The following UBTD2 variants were observed in gnomAD, a reference collection of about 807,000 sequenced individuals.
The protein encoded by UBTD2 is ubiquitin domain-containing protein 2.
A neutral mutation model predicts 19.8 loss-of-function variants in UBTD2; 9 were observed. That is an observed-to-expected ratio of 0.46 (90% CI 0.27 to 0.79). The LOEUF is 0.79. UBTD2 is among the 30% of genes least tolerant of loss of function. UBTD2 has a pLI of 0.14. For synonymous variants in UBTD2, 98 were observed against 103.9 expected (o/e 0.94, Z 0.35); for missense variants, 250 against 300.4 (o/e 0.83, Z 1.24).
intron 2 of UBTD2, among the ~76,000 whole-genome samples, chr5:172,216,443 TA>T (rs1189927208): frequency 2.3e-4 from 33 of 141,068 alleles, no homozygotes; most frequent in South Asian, 4.5e-4. Context: ...AATCAAAGAT[TA>T]AAAAAAAAAA....
At chr5:172,259,065 T>C (rs1039398820) in intron 1 of UBTD2, among the ~76,000 whole-genome samples, 7 of 152,196 alleles carry the variant, frequency 4.6e-5, no homozygotes, top group Admixed American at 2.0e-4. Context: ...CCATTCAGTA[T>C]GATGTTGCTG....
At chr5:172,244,209 A>G (rs1027717189) in intron 1 of UBTD2, among the ~76,000 whole-genome samples, 10 of 151,940 alleles carry the variant, frequency 6.6e-5, no homozygotes, top group African/African-American at 1.7e-4. Flanking sequence ...ACAAAAACCT[A>G]TTAAGTCAGC....
intron 1 of UBTD2, among the ~76,000 whole-genome samples, chr5:172,236,898 C>G (rs1453552767): frequency 6.6e-6 from 1 of 152,086 alleles, no homozygotes; most frequent in Non-Finnish European, 1.5e-5. Flanking sequence ...AGGAAGCCAA[C>G]AGAAAAACAA....
intron 1 of UBTD2, among the ~76,000 whole-genome samples, chr5:172,261,774 G>A (rs527272067): frequency 3.3e-5 from 5 of 152,148 alleles, no homozygotes; most frequent in Non-Finnish European, 4.4e-5. Context: ...ACAGGCATGC[G>A]CCTCCACATC....
chr5:172,210,206 A>C lies in UBTD2; in HGVS notation c.*1624T>G, dbSNP rs1474631150. The C allele has an allele frequency of 6.6e-6, 1 of 152,362 alleles. No individual in the cohort carries two copies. Among genetic ancestry groups the C allele is most frequent in the Non-Finnish European group, 1.5e-5 (1 of 68,034 alleles). 9.4% of individuals were successfully genotyped at this position (152,362 alleles called of 1,614,324 possible). On this transcript the variant is annotated 3_prime_UTR_variant, in exon 3 of 3. Transcript: ENST00000393792. The stretch of plus-strand genomic sequence containing the variant: ...TAAGGAAGTAGTTAAAGCTCTCAGA[A>C]ACATGATGTTACAATTACAGATATA...
intron 2 of UBTD2, among the ~76,000 whole-genome samples, chr5:172,213,059 C>T (rs752701102): frequency 1.3e-5 from 2 of 151,954 alleles, no homozygotes; most frequent in African/African-American, 2.4e-5. Context: ...GATGTGATCT[C>T]GGTTTACTGC....
At chr5:172,215,203 T>C (rs1581207143) in intron 2 of UBTD2, among the ~76,000 whole-genome samples, 1 of 152,242 alleles carries the variant, frequency 6.6e-6, no homozygotes, top group African/African-American at 2.4e-5. Context: ...TTTTACCTTC[T>C]GGACCTCTAC....
At chr5:172,270,576 A>C (rs1334975068) in intron 1 of UBTD2, among the ~76,000 whole-genome samples, 1 of 151,842 alleles carries the variant, frequency 6.6e-6, no homozygotes, top group African/African-American at 2.4e-5. Flanking sequence ...GGATGGTCTC[A>C]ATCTCCTGAC....
At chr5:172,262,890 G>C (rs1051663719) in intron 1 of UBTD2, among the ~76,000 whole-genome samples, 7 of 152,258 alleles carry the variant, frequency 4.6e-5, no homozygotes, top group Non-Finnish European at 1.0e-4. Flanking sequence ...CAACTGAAAA[G>C]CTATTAGTAA....
chr5:172,283,479 G>C lies in UBTD2; in HGVS notation c.70+117C>G. On this transcript the variant is annotated intron_variant, in intron 1 of 2. Coordinates refer to ENST00000393792, the MANE Select transcript of UBTD2 (RefSeq NM_152277.3). This position sits in a 1 kb window ranked among gnomAD's most constrained non-coding sequence, Gnocchi z 4.3. ...GAAGCGGAGCGCGGGGAATGACGTGGAAGAGGGGATGACAAAGGGGCGCGG... is the reference window on the plus strand; with the variant it reads ...GAAGCGGAGCGCGGGGAATGACGTGCAAGAGGGGATGACAAAGGGGCGCGG... 1 of 759,836 alleles carries C rather than the reference G, an allele frequency of 1.3e-6. No homozygotes were observed. Among genetic ancestry groups the C allele is most frequent in the Non-Finnish European group, 1.8e-6 (1 of 564,018 alleles). The allele number at this position is 759,836 out of a possible 1,614,324, so 47.1% of individuals were successfully genotyped here.
At chr5:172,283,994 C>A (rs960268213), upstream of UBTD2, 1 of 148,910 alleles carries the variant, frequency 6.7e-6, no homozygotes, top group Non-Finnish European at 1.5e-5. The surrounding 1 kb of genome is among the most constrained non-coding windows in gnomAD (Gnocchi z 4.3). Flanking sequence ...CTCACAGCCC[C>A]GCACACCCGA....
intron 1 of UBTD2, among the ~76,000 whole-genome samples, chr5:172,240,574 A>G (rs1175549659): frequency 1.3e-5 from 2 of 152,182 alleles, no homozygotes; most frequent in Non-Finnish European, 2.9e-5. Context: ...CTGAGCATAC[A>G]AACAGGCAAC....
chr5:172,244,410 C>T (rs1197948069), intron 1 of UBTD2, among the ~76,000 whole-genome samples: 1 of 150,502 alleles, frequency 6.6e-6, no homozygotes, highest in East Asian at 2.0e-4. Context: ...AATTCTCCTG[C>T]CTCAGCCTCC....
At chr5:172,227,433 A>G (rs1460017759) in intron 2 of UBTD2, among the ~76,000 whole-genome samples, 1 of 152,166 alleles carries the variant, frequency 6.6e-6, no homozygotes, top group Non-Finnish European at 1.5e-5. Context: ...TTCATTTCTA[A>G]ACCCTACAAC....
chr5:172,259,773 G>A (rs1391607689), intron 1 of UBTD2, among the ~76,000 whole-genome samples: 1 of 152,066 alleles, frequency 6.6e-6, no homozygotes, highest in Non-Finnish European at 1.5e-5. Context: ...CAGTAAATGG[G>A]CCAGGCAGGA....
rs534347807 is a variant in UBTD2 at position 172,273,794 on chromosome 5, T to C, written c.70+9802A>G. Among the ~76,000 whole-genome samples, 3 of 152,230 alleles carry C rather than the reference T, an allele frequency of 2.0e-5. 1 individual carries two copies. Among genetic ancestry groups the C allele is most frequent in the Admixed American group, 6.5e-5 (1 of 15,280 alleles). On this transcript the variant is annotated intron_variant, in intron 1 of 2. Coordinates refer to ENST00000393792, the MANE Select transcript of UBTD2 (RefSeq NM_152277.3). ...AGGATTCAGCTCTCCTCATGTCTAA[T>C]ATTTTCCGACTGTAGCTTCCTTGAC...
At chr5:172,233,874 T>C (rs1292457728) in intron 2 of UBTD2, among the ~76,000 whole-genome samples, 1 of 152,030 alleles carries the variant, frequency 6.6e-6, no homozygotes, top group Admixed American at 6.6e-5. Flanking sequence ...ACTTTTTAGA[T>C]GATCAAGAGT....
intron 1 of UBTD2, chr5:172,254,619 T>C (rs1228293006): frequency 3.1e-6 from 2 of 647,782 alleles, no homozygotes; most frequent in Non-Finnish European, 5.5e-6. Context: ...GTTGCATCCA[T>C]CGTAATCACA....
At chr5:172,241,179 C>A (rs1014494001) in intron 1 of UBTD2, among the ~76,000 whole-genome samples, 1 of 151,740 alleles carries the variant, frequency 6.6e-6, no homozygotes, top group South Asian at 2.1e-4. Flanking sequence ...TTTGGGAGGC[C>A]GACGTGAGTG....
Sources: gnomAD v4.1 joint callset for allele counts (sites outside exome capture counted in the v4.1 genomes callset) on GRCh38, gnomAD v4.1.1 for gene constraint, Gnocchi (gnomAD v3.1) non-coding constraint, MANE v1.5 for transcripts, NCBI Gene and HGNC (gene_info 2026-07-23, HGNC 2026-07-21) for gene names.